The following PRKG1 variants were observed in gnomAD, a reference collection of about 807,000 sequenced individuals.
PRKG1 encodes the protein cGMP-dependent protein kinase 1.
In PRKG1, 35 loss-of-function variants were observed where a neutral mutation model predicts 88.1. The ratio of observed to expected loss-of-function variants is 0.40; its 90% CI spans 0.30 to 0.53. The LOEUF is 0.53. Ranked by LOEUF, PRKG1 falls within the 20% of genes least tolerant of loss-of-function variation. The pLI, the probability that PRKG1 is intolerant of heterozygous loss-of-function variation, is 0.59. For missense variants in PRKG1, 540 were observed against 839.8 expected, an observed-to-expected ratio of 0.64 and a Z score of 4.41; for synonymous variants, 303 against 292.5, an observed-to-expected ratio of 1.04 and a Z score of -0.37.
intron 17 of PRKG1, among the ~76,000 whole-genome samples, chr10:52,290,888 A>G (rs1842223737): frequency 6.6e-6 from 1 of 151,824 alleles, no homozygotes; most frequent in Admixed American, 6.6e-5. Context: ...ACACTTTTTC[A>G]AAGAGTCTTT....
intron 2 of PRKG1, among the ~76,000 whole-genome samples, chr10:51,273,284 G>A (rs1195002981): frequency 6.6e-6 from 1 of 151,274 alleles, no homozygotes; most frequent in Non-Finnish European, 1.5e-5. Flanking sequence ...GCTGAGGAAG[G>A]AGGATTGCTG....
At chr10:51,921,446 A>G (rs1842461150) in intron 5 of PRKG1, among the ~76,000 whole-genome samples, 2 of 152,038 alleles carry the variant, frequency 1.3e-5, no homozygotes, top group African/African-American at 4.8e-5. Context: ...TTCTAATATA[A>G]TGCTGAATAG....
intron 1 of PRKG1, among the ~76,000 whole-genome samples, chr10:51,080,361 C>T (rs1327919401): frequency 6.6e-6 from 1 of 152,150 alleles, no homozygotes; most frequent in African/African-American, 2.4e-5. Flanking sequence ...TATCTGGATT[C>T]CTAATGGGAA....
intron 9 of PRKG1, among the ~76,000 whole-genome samples, chr10:52,188,672 G>C (rs950348762): frequency 9.2e-5 from 14 of 152,098 alleles, no homozygotes; most frequent in Admixed American, 2.6e-4. Flanking sequence ...TGTGTGCACT[G>C]AATAGTTAGA....
chr10:51,158,020 A>G (rs1589204338), intron 2 of PRKG1, among the ~76,000 whole-genome samples: 1 of 151,986 alleles, frequency 6.6e-6, no homozygotes, highest in East Asian at 1.9e-4. Context: ...TGTTGGGAAC[A>G]TTCAATATCC....
At chr10:51,427,008 A>C (rs1838607719) in intron 2 of PRKG1, among the ~76,000 whole-genome samples, 1 of 152,132 alleles carries the variant, frequency 6.6e-6, no homozygotes, top group South Asian at 2.1e-4. Flanking sequence ...ATTGTTTTTA[A>C]AGCTCACTTA....
chr10:51,097,599 T>A (rs1057239780), intron 1 of PRKG1, among the ~76,000 whole-genome samples: 1 of 152,132 alleles, frequency 6.6e-6, no homozygotes, highest in Non-Finnish European at 1.5e-5. Flanking sequence ...CCACTTGCTG[T>A]TACTCCCATC....
At chr10:52,283,276 C>T (rs1020165469) in intron 14 of PRKG1, among the ~76,000 whole-genome samples, 9 of 151,930 alleles carry the variant, frequency 5.9e-5, no homozygotes, top group Non-Finnish European at 1.3e-4. Flanking sequence ...TAATTTAGTT[C>T]TAGGACACTG....
chr10:52,038,394 A>C lies in PRKG1; in HGVS notation c.763-16090A>C, dbSNP rs1231674852. On this transcript the variant is annotated intron_variant, in intron 5 of 17. Coordinates refer to ENST00000373980, the MANE Select transcript of PRKG1 (RefSeq NM_006258.4). ...AAATAAGGGATGAAGCACAGAAATA[A>C]GGGGTAGGGGCACGGAAATAAGGGG... is the stretch of plus-strand genomic sequence containing the variant. Among the ~76,000 whole-genome samples the C allele has an allele frequency of 2.6e-5, 4 of 151,154 alleles. No individual in the cohort carries two copies. In the East Asian group the frequency reaches 6.0e-4, roughly 23 times the overall value.
intron 3 of PRKG1, among the ~76,000 whole-genome samples, chr10:51,737,091 A>G (rs956054937): frequency 6.6e-6 from 1 of 152,230 alleles, no homozygotes; most frequent in Non-Finnish European, 1.5e-5. Context: ...TATCAAGTAC[A>G]CTTTCAGCCT....
chr10:51,523,307 C>T (rs1023922095), intron 3 of PRKG1, among the ~76,000 whole-genome samples: 4 of 152,078 alleles, frequency 2.6e-5, no homozygotes, highest in African/African-American at 4.8e-5. Flanking sequence ...TCCATGAGAA[C>T]GGTAATAAGA....
intron 2 of PRKG1, among the ~76,000 whole-genome samples, chr10:51,363,581 T>C (rs1277098365): frequency 6.6e-6 from 1 of 151,960 alleles, no homozygotes. Flanking sequence ...CTTCAGTTTA[T>C]GTATTATCTT....
At chr10:51,951,768 C>T (rs1473092381) in intron 5 of PRKG1, among the ~76,000 whole-genome samples, 1 of 152,094 alleles carries the variant, frequency 6.6e-6, no homozygotes, top group Admixed American at 6.5e-5. Context: ...AACTACTGTT[C>T]TAGTTGGAAC....
In PRKG1 at chr10:51,662,902, G is replaced by A. The variant is rs144826724; in HGVS notation, c.593-141683G>A. Among the ~76,000 whole-genome samples, 515 of 152,148 alleles carry A rather than the reference G, an allele frequency of 3.4e-3. 3 individuals carry two copies. Among genetic ancestry groups the A allele is most frequent in the African/African-American group, 0.012 (490 of 41,538 alleles). ...GGGGCAGTAAGTGTGGAGTGTATTG[G>A]GTGGAATGTTAGGAGTAGCACTAGA... On this transcript the variant is annotated intron_variant, in intron 3 of 17. Coordinates refer to ENST00000373980, the MANE Select transcript of PRKG1 (RefSeq NM_006258.4).
At chr10:51,080,664 A>G (rs371466088) in intron 1 of PRKG1, among the ~76,000 whole-genome samples, 17 of 152,234 alleles carry the variant, frequency 1.1e-4, no homozygotes, top group African/African-American at 3.9e-4. Context: ...AGCATTTACC[A>G]GTATGCTCAA....
At chr10:51,455,471 T>C (rs1190756437) in intron 2 of PRKG1, among the ~76,000 whole-genome samples, 1 of 152,178 alleles carries the variant, frequency 6.6e-6, no homozygotes, top group African/African-American at 2.4e-5. Context: ...AGGGTGCAAA[T>C]TTTCTGCTCT....
At chr10:51,668,814 T>A (rs984867809) in intron 3 of PRKG1, among the ~76,000 whole-genome samples, 2 of 152,228 alleles carry the variant, frequency 1.3e-5, no homozygotes, top group Non-Finnish European at 2.9e-5. Context: ...ATTGTGCATC[T>A]CAATTCAGAA....
chr10:51,704,238 C>CAGATAGAT (rs1396806175), intron 3 of PRKG1, among the ~76,000 whole-genome samples: 3 of 144,128 alleles, frequency 2.1e-5, no homozygotes, highest in African/African-American at 8.5e-5. Flanking sequence ...GATAGATAGA[C>CAGATAGAT]AGACAGACAG....
intron 4 of PRKG1, among the ~76,000 whole-genome samples, chr10:51,815,666 C>T (rs1839565551): frequency 6.6e-6 from 1 of 152,182 alleles, no homozygotes; most frequent in Non-Finnish European, 1.5e-5. Flanking sequence ...GAATTAGCAT[C>T]ATAGGTCCTT....
Sources: gnomAD v4.1 joint callset for allele counts (sites outside exome capture counted in the v4.1 genomes callset) on GRCh38, gnomAD v4.1.1 for gene constraint, MANE v1.5 for transcripts, NCBI Gene and HGNC (gene_info 2026-07-23, HGNC 2026-07-21) for gene names.